ATRNL1: variants seen among roughly 807,000 people sequenced by gnomAD.
ATRNL1 encodes attractin like 1.
ATRNL1 carries 95 observed loss-of-function variants against 182.7 expected under a neutral mutation model. The observed-to-expected ratio is 0.52, with a 90% CI of 0.44 to 0.62. ATRNL1 has a LOEUF of 0.62. Ranked by LOEUF, ATRNL1 falls within the 20% of genes least tolerant of loss-of-function variation. The probability of loss-of-function intolerance (pLI) is 0.00; values close to 1 mark genes in which losing one functional copy is unlikely to be tolerated. For missense variants in ATRNL1, 1,471 were observed against 1,679.5 expected, an observed-to-expected ratio of 0.88 and a Z score of 2.17; for synonymous variants, 576 against 568.3, an observed-to-expected ratio of 1.01 and a Z score of -0.19.
chr10:115,246,444 A>T (rs1399625766), intron 10 of ATRNL1, among the ~76,000 whole-genome samples: 3 of 152,148 alleles, frequency 2.0e-5, no homozygotes, highest in African/African-American at 7.2e-5. Flanking sequence ...AGGTATTTGA[A>T]TTTCACTCTA....
At chr10:115,436,513 T>C (rs1846413105) in intron 21 of ATRNL1, among the ~76,000 whole-genome samples, 1 of 152,124 alleles carries the variant, frequency 6.6e-6, no homozygotes, top group Non-Finnish European at 1.5e-5. Flanking sequence ...CTACAAAACT[T>C]GTGCAACAGA....
intron 28 of ATRNL1, among the ~76,000 whole-genome samples, chr10:115,906,170 T>C (rs1170837304): frequency 2.6e-5 from 4 of 152,204 alleles, no homozygotes; most frequent in African/African-American, 9.6e-5. Flanking sequence ...ATGACTGTGT[T>C]TTAAAAATTA....
chr10:115,094,142 T>TCG (rs2084951059), intron 1 of ATRNL1, 99 bp downstream of exon 1: 4 of 1,177,214 alleles, frequency 3.4e-6, no homozygotes, highest in Non-Finnish European at 4.4e-6. Flanking sequence ...CGTCGCTGCC[T>TCG]CTGATCCCCC....
chr10:115,766,620 T>C (rs1555075113), intron 27 of ATRNL1, among the ~76,000 whole-genome samples: 1 of 152,210 alleles, frequency 6.6e-6, no homozygotes, highest in Non-Finnish European at 1.5e-5. Context: ...CCCAGCACTG[T>C]ACATTGTAAT....
At chr10:115,344,869 G>A (rs1194515793) in intron 19 of ATRNL1, among the ~76,000 whole-genome samples, 4 of 152,170 alleles carry the variant, frequency 2.6e-5, no homozygotes, top group African/African-American at 4.8e-5. Context: ...CCAGGACTGG[G>A]TCCTTTCCTT....
chr10:115,839,215 G>A (rs1004712122), intron 27 of ATRNL1, among the ~76,000 whole-genome samples: 4 of 152,080 alleles, frequency 2.6e-5, no homozygotes, highest in South Asian at 4.1e-4. Context: ...GTTTAATAAA[G>A]GGACACCGCA....
At chr10:115,202,214 A>G (rs1466672542) in intron 8 of ATRNL1, among the ~76,000 whole-genome samples, 10 of 151,778 alleles carry the variant, frequency 6.6e-5, no homozygotes, top group African/African-American at 2.4e-4. Context: ...CTAATTGAAT[A>G]CCCTTTATTT....
At chr10:115,208,737 C>T (rs1429619817) in intron 8 of ATRNL1, among the ~76,000 whole-genome samples, 6 of 152,102 alleles carry the variant, frequency 3.9e-5, no homozygotes, top group East Asian at 1.9e-4. Flanking sequence ...GTAGTTTTCC[C>T]GTTTTGCACA....
Position 115,093,490 on chromosome 10 carries a change from A to C in ATRNL1, c.-261A>C. ...CTCCCCGCCTCCGGCCGGGTCCGGGACGCCGCGGCTGTGGGGTCGGCCCGC... is the reference window on the plus strand; with the variant it reads ...CTCCCCGCCTCCGGCCGGGTCCGGGCCGCCGCGGCTGTGGGGTCGGCCCGC... On this transcript the variant is annotated 5_prime_UTR_variant, in exon 1 of 29. Transcript: ENST00000355044. The surrounding 1 kb of genome is among the most constrained non-coding windows in gnomAD (Gnocchi z 6.1). 1 of 623,350 alleles carries C rather than the reference A, an allele frequency of 1.6e-6. No individual in the cohort carries two copies. The highest frequency in any genetic ancestry group is 2.9e-6 in the Non-Finnish European group (1 of 342,260). 38.6% of individuals were successfully genotyped at this position (623,350 alleles called of 1,614,324 possible).
intron 27 of ATRNL1, among the ~76,000 whole-genome samples, chr10:115,759,971 C>T (rs547701591): frequency 2.5e-4 from 37 of 150,346 alleles, no homozygotes; most frequent in Non-Finnish European, 4.6e-4. Context: ...CGATTACAAG[C>T]GTGAGCCACT....
intron 21 of ATRNL1, among the ~76,000 whole-genome samples, chr10:115,429,796 T>C (rs990657459): frequency 3.3e-5 from 5 of 152,090 alleles, no homozygotes; most frequent in African/African-American, 1.2e-4. Context: ...GGCCGGGCGC[T>C]GTGGCTCACA....
At chr10:115,544,724 A>G (rs1852547902) in intron 25 of ATRNL1, among the ~76,000 whole-genome samples, 1 of 152,332 alleles carries the variant, frequency 6.6e-6, no homozygotes, top group Middle Eastern at 3.4e-3. Flanking sequence ...AAACTATATC[A>G]GAAGGGATAG....
intron 27 of ATRNL1, among the ~76,000 whole-genome samples, chr10:115,761,891 G>A (rs1026485391): frequency 2.4e-4 from 37 of 152,060 alleles, no homozygotes; most frequent in African/African-American, 7.7e-4. Flanking sequence ...AAACAAAGTC[G>A]GGGCTCAACA....
At chr10:115,134,288 A>C (rs2143754805) in intron 5 of ATRNL1, among the ~76,000 whole-genome samples, 1 of 152,348 alleles carries the variant, frequency 6.6e-6, no homozygotes, top group East Asian at 1.9e-4. Context: ...ATAGACCATT[A>C]GCAAGACTAA....
intron 8 of ATRNL1, among the ~76,000 whole-genome samples, chr10:115,212,194 A>C (rs1304015724): frequency 6.6e-6 from 1 of 151,554 alleles, no homozygotes; most frequent in Non-Finnish European, 1.5e-5. Context: ...TCTCTTGATA[A>C]ATTTTATTGT....
chr10:115,493,896 G>A (rs1478892590), intron 24 of ATRNL1, among the ~76,000 whole-genome samples: 1 of 151,744 alleles, frequency 6.6e-6, no homozygotes, highest in Non-Finnish European at 1.5e-5. Flanking sequence ...TATGCTTCTT[G>A]GCCACATGTA....
chr10:115,180,949 A>T (rs1847726196), intron 8 of ATRNL1, among the ~76,000 whole-genome samples: 1 of 151,854 alleles, frequency 6.6e-6, no homozygotes, highest in Admixed American at 6.6e-5. Context: ...CAGTTCTTCC[A>T]TTGAAACTGT....
chr10:115,881,491 A>C (rs560092282), intron 28 of ATRNL1, among the ~76,000 whole-genome samples: 14 of 152,102 alleles, frequency 9.2e-5, no homozygotes, highest in Non-Finnish European at 1.8e-4. Context: ...TGTTTCCTAT[A>C]TTCTCTCTGG....
intron 1 of ATRNL1, among the ~76,000 whole-genome samples, chr10:115,115,046 G>T (rs1248567400): frequency 3.3e-5 from 5 of 152,098 alleles, no homozygotes; most frequent in African/African-American, 1.2e-4. Context: ...ATAGTATTCA[G>T]CCTATAAAGG....
Sources: gnomAD v4.1 joint callset for allele counts (sites outside exome capture counted in the v4.1 genomes callset) on GRCh38, gnomAD v4.1.1 for gene constraint, Gnocchi (gnomAD v3.1) non-coding constraint, MANE v1.5 for transcripts, NCBI Gene and HGNC (gene_info 2026-07-23, HGNC 2026-07-21) for gene names.